TLE4: variants seen among roughly 807,000 people sequenced by gnomAD.
TLE4 encodes the protein transducin-like enhancer protein 4.
In TLE4, 8 loss-of-function variants were observed where a neutral mutation model predicts 92.8. The ratio of observed to expected loss-of-function variants is 0.09; its 90% confidence interval spans 0.05 to 0.16. TLE4 has a LOEUF of 0.16. Among genes scored for constraint, TLE4 ranks in the 10% least tolerant of loss-of-function variants. The pLI is 1.00. For synonymous variants in TLE4, 371 were observed against 374.1 expected, an observed-to-expected ratio of 0.99 and a Z score of 0.10; for missense variants, 675 against 997.6, an observed-to-expected ratio of 0.68 and a Z score of 4.36.
At position 79,630,809 on chromosome 9, in the gene TLE4, T is replaced by C. The variant is rs2053971556; in HGVS notation, c.390+3361T>C. Among the ~76,000 whole-genome samples the C allele has an allele frequency of 2.0e-5, 3 of 152,154 alleles. No individual in the cohort carries two copies. In the South Asian group the frequency reaches 6.2e-4, roughly 32 times the overall value. The stretch of plus-strand genomic sequence containing the variant: ...GCTGTGTGAATGTGGTTATGCTTAA[T>C]AAAGGAGGCTGACTTGGAACCTCAT... On this transcript the variant is annotated intron_variant, in intron 6 of 19. Transcript: ENST00000376552.
In TLE4 at chr9:79,612,659, G is replaced by C; in HGVS notation, c.256G>C (p.Glu86Gln). ...TCCTTTCCCTTATTTTTTGCAGGCA[G>C]AGATTGTCAAGAGGCTGAATGCTAT... ...GLNIEMHKQAEIVKRLNAICA... is the reference protein window; with the variant it reads ...GLNIEMHKQAQIVKRLNAICA... The change falls in exon 5 of 20, where the codon GAG (glutamate) becomes CAG (glutamine). Residue 86 changes from glutamate to glutamine, a missense_variant. Around this residue, in one of 5 missense-constraint regions of TLE4, gnomAD observed 68 missense variants for 141.2 expected, o/e 0.48. Transcript: ENST00000376552. 6.2e-7 allele frequency: 1 copy of C among 1,612,990 alleles called. No individual in the cohort carries two copies. The highest frequency in any genetic ancestry group is 8.5e-7 in the Non-Finnish European group (1 of 1,179,256).
At chr9:79,595,637 G>T (rs34879866) in intron 4 of TLE4, among the ~76,000 whole-genome samples, 5,704 of 152,120 alleles carry the variant, frequency 0.037, 155 homozygotes, top group East Asian at 0.086. Flanking sequence ...GGCAAGTTAG[G>T]TTAAAGATAA....
intron 8 of TLE4, among the ~76,000 whole-genome samples, chr9:79,691,605 C>T (rs1461604268): frequency 6.6e-6 from 1 of 152,098 alleles, no homozygotes; most frequent in Non-Finnish European, 1.5e-5. Context: ...CCCACCTGCT[C>T]CCTCCACGTC....
At chr9:79,657,263 A>G (rs566202637) in intron 8 of TLE4, among the ~76,000 whole-genome samples, 1 of 152,324 alleles carries the variant, frequency 6.6e-6, no homozygotes, top group African/African-American at 2.4e-5. Context: ...ACAGACTGTG[A>G]TCCACTCTCA....
chr9:79,685,667 AATATCTAAAG>A (rs1249447599), intron 8 of TLE4, among the ~76,000 whole-genome samples: 1 of 152,238 alleles, frequency 6.6e-6, no homozygotes, highest in Non-Finnish European at 1.5e-5. Context: ...GTCATCACAA[AATATCTAAAG>A]ATAACTCATT....
chr9:79,633,580 C>G (rs2054889684), intron 6 of TLE4, among the ~76,000 whole-genome samples: 1 of 152,018 alleles, frequency 6.6e-6, no homozygotes, highest in South Asian at 2.1e-4. Context: ...GCTCGGCAGG[C>G]TGAGCTTATG....
At chr9:79,724,923 TG>T in intron 19 of TLE4, 113 bp from the exon 20 acceptor site, 1 of 572,652 alleles carries the variant, frequency 1.7e-6, no homozygotes, top group South Asian at 1.5e-5. Flanking sequence ...TTTCCTTGAC[TG>T]GGCTTTCTGT....
intron 14 of TLE4, among the ~76,000 whole-genome samples, chr9:79,714,318 T>G (rs2074026519): frequency 6.6e-6 from 1 of 152,212 alleles, no homozygotes; most frequent in Non-Finnish European, 1.5e-5. Context: ...TCCTTCCCTT[T>G]TATAGCATTA....
intron 6 of TLE4, 42 bp downstream of exon 6, chr9:79,627,490 C>T (rs755020726): frequency 1.3e-6 from 2 of 1,578,256 alleles, no homozygotes; most frequent in East Asian, 2.2e-5. Flanking sequence ...TAGTGTTTGT[C>T]ATCAGCTCTC....
At chr9:79,623,999 C>T (rs2051790732) in intron 5 of TLE4, among the ~76,000 whole-genome samples, 1 of 151,720 alleles carries the variant, frequency 6.6e-6, no homozygotes, top group Non-Finnish European at 1.5e-5. Context: ...AGGGAACAAG[C>T]AGGAAGTAGA....
At chr9:79,694,765 C>T (rs2067857592) in intron 8 of TLE4, among the ~76,000 whole-genome samples, 1 of 147,660 alleles carries the variant, frequency 6.8e-6, no homozygotes, top group Non-Finnish European at 1.5e-5. Flanking sequence ...TGTGTGGTGA[C>T]TTACTAACCA....
chr9:79,602,859 A>G (rs565767944), intron 4 of TLE4, among the ~76,000 whole-genome samples: 2 of 152,210 alleles, frequency 1.3e-5, no homozygotes, highest in African/African-American at 4.8e-5. Context: ...AACCTTCTGG[A>G]AAGGATTAGC....
At chr9:79,629,546 A>G (rs912181276) in intron 6 of TLE4, among the ~76,000 whole-genome samples, 4 of 152,178 alleles carry the variant, frequency 2.6e-5, no homozygotes, top group Non-Finnish European at 5.9e-5. Context: ...TAAAGAACTA[A>G]CTCAGCAGTA....
intron 4 of TLE4, among the ~76,000 whole-genome samples, chr9:79,608,846 A>G (rs2047700583): frequency 6.6e-6 from 1 of 152,056 alleles, no homozygotes; most frequent in African/African-American, 2.4e-5. Context: ...ACTTTCACCC[A>G]AGTTTATTAT....
chr9:79,679,739 T>A (rs2064077284), intron 8 of TLE4, among the ~76,000 whole-genome samples: 1 of 152,190 alleles, frequency 6.6e-6, no homozygotes, highest in South Asian at 2.1e-4. Context: ...CTAGGGTTTT[T>A]ATGGTTTTAG....
intron 5 of TLE4, among the ~76,000 whole-genome samples, chr9:79,618,319 T>C (rs1331322689): frequency 6.6e-6 from 1 of 152,266 alleles, no homozygotes; most frequent in African/African-American, 2.4e-5. Context: ...TTACATAAGA[T>C]ATAAAATAAT....
intron 8 of TLE4, among the ~76,000 whole-genome samples, chr9:79,699,197 G>A (rs950217622): frequency 3.3e-5 from 5 of 151,988 alleles, no homozygotes; most frequent in African/African-American, 1.2e-4. Context: ...TTTTATTTTT[G>A]ACATGGGTCT....
chr9:79,678,524 A>T (rs1007947064), intron 8 of TLE4, among the ~76,000 whole-genome samples: 2 of 152,124 alleles, frequency 1.3e-5, no homozygotes, highest in African/African-American at 4.8e-5. Context: ...GAGAAAAAAC[A>T]ATACACAGTC....
chr9:79,619,471 C>G (rs896447115), intron 5 of TLE4, among the ~76,000 whole-genome samples: 1 of 152,166 alleles, frequency 6.6e-6, no homozygotes, highest in African/African-American at 2.4e-5. Flanking sequence ...GTTATATGCA[C>G]TGGTGGAAGT....
Sources: gnomAD v4.1 joint callset for allele counts (sites outside exome capture counted in the v4.1 genomes callset) on GRCh38, gnomAD v4.1.1 for gene constraint, gnomAD v4.1.1 regional missense constraint, MANE v1.5 for transcripts, NCBI Gene and HGNC (gene_info 2026-07-23, HGNC 2026-07-21) for gene names.